CDK8: variants seen among roughly 807,000 people sequenced by gnomAD.
The protein encoded by CDK8 is cyclin dependent kinase 8.
A neutral mutation model predicts 71.5 loss-of-function variants in CDK8; 29 were observed. The observed-to-expected ratio is 0.41, with a 90% confidence interval of 0.30 to 0.55. The LOEUF (loss-of-function observed/expected upper bound fraction) is 0.55. Ranked by LOEUF, CDK8 falls within the 20% of genes least tolerant of loss-of-function variation. The probability of loss-of-function intolerance (pLI) is 0.37; values close to 1 mark genes in which losing one functional copy is unlikely to be tolerated. For synonymous variants in CDK8, 161 were observed against 192.1 expected, an observed-to-expected ratio of 0.84 and a Z score of 1.34; for missense variants, 288 against 572.6, an observed-to-expected ratio of 0.50 and a Z score of 5.07.
intron 1 of CDK8, among the ~76,000 whole-genome samples, chr13:26,258,266 A>G (rs1871616567): frequency 6.6e-6 from 1 of 152,188 alleles, no homozygotes. Context: ...GCTTCCTATA[A>G]TTAATATATT....
chr13:26,400,553 A>T lies in CDK8; in HGVS notation c.1031+3A>T. 1 of 1,575,466 alleles carries T rather than the reference A, an allele frequency of 6.3e-7. No individual in the cohort carries two copies. Among genetic ancestry groups the T allele is most frequent in the Non-Finnish European group, 8.7e-7 (1 of 1,145,176 alleles). ...GAAGACCCACTTCCTACATCAGAGT[A>T]AGTGGCCTAGTTGGTTAACTCATCA... On this transcript the variant is annotated splice_donor_region_variant and intron_variant, in intron 10 of 12. Transcript: ENST00000381527.
intron 1 of CDK8, among the ~76,000 whole-genome samples, chr13:26,270,543 TCCTCTAATC>T (rs1872266921): frequency 6.6e-6 from 1 of 152,190 alleles, no homozygotes; most frequent in African/African-American, 2.4e-5. Context: ...ACTCCTTGTT[TCCTCTAATC>T]CTCAGTCCTA....
At chr13:26,333,992 A>G (rs1218400532) in intron 1 of CDK8, among the ~76,000 whole-genome samples, 1 of 152,166 alleles carries the variant, frequency 6.6e-6, no homozygotes, top group Admixed American at 6.5e-5. Flanking sequence ...TTATGTTGTA[A>G]TTATATTAGG....
chr13:26,261,798 T>C (rs1472004514), intron 1 of CDK8, among the ~76,000 whole-genome samples: 1 of 152,226 alleles, frequency 6.6e-6, no homozygotes, highest in African/African-American at 2.4e-5. Flanking sequence ...GGATGTATGT[T>C]TTCAGTATAT....
intron 4 of CDK8, among the ~76,000 whole-genome samples, chr13:26,369,240 T>G (rs926229634): frequency 2.7e-5 from 4 of 149,866 alleles, no homozygotes; most frequent in African/African-American, 9.8e-5. Flanking sequence ...AGCCCAGGAG[T>G]TCAAGACCAG....
rs9553779 is a variant in CDK8 at position 26,273,831 on chromosome 13, A to C, written c.128+19062A>C. ...AATAACTATCAATTGTAGAAAATAC[A>C]AGTAAAGTCTAAGAAGAAAATAAAA... On this transcript the variant is annotated intron_variant, in intron 1 of 12. Coordinates refer to ENST00000381527, the MANE Select transcript of CDK8 (RefSeq NM_001260.3). Among the ~76,000 whole-genome samples the C allele has an allele frequency of 9.9e-4, 151 of 152,238 alleles. 5 individuals are homozygous for C. The East Asian group carries it at 0.028, about 28-fold the overall frequency.
At chr13:26,321,875 A>G (rs1055495093) in intron 1 of CDK8, among the ~76,000 whole-genome samples, 1 of 152,114 alleles carries the variant, frequency 6.6e-6, no homozygotes, top group Admixed American at 6.6e-5. Flanking sequence ...ACATATATGT[A>G]TAGAAAGACC....
chr13:26,292,099 A>G (rs570626680), intron 1 of CDK8, among the ~76,000 whole-genome samples: 18 of 152,364 alleles, frequency 1.2e-4, no homozygotes, highest in South Asian at 2.1e-4. Context: ...GGGTATTTCA[A>G]AAGTTTTAGA....
At position 26,369,281 on chromosome 13, in the gene CDK8, C is replaced by CA. The variant is rs113696527; in HGVS notation, c.457-13522dup. Among the ~76,000 whole-genome samples the CA allele has an allele frequency of 1.8e-3, 248 of 138,362 alleles. 1 individual carries two copies. Among genetic ancestry groups the CA allele is most frequent in the Middle Eastern group, 7.4e-3 (2 of 270 alleles). 90.8% of individuals were successfully genotyped at this position (138,362 alleles called of 152,430 possible). ...ACAGCATGGTGAAATGCCATCTCTA[C>CA]AAAAAAAAAAATGCAGAAATTCGCC... On this transcript the variant is annotated intron_variant, in intron 4 of 12. Transcript: ENST00000381527.
chr13:26,349,049 A>T, intron 2 of CDK8, 23 bp from the exon 3 acceptor site: 1 of 1,293,358 alleles, frequency 7.7e-7, no homozygotes, highest in Non-Finnish European at 1.1e-6. Flanking sequence ...AGAAATAGTT[A>T]ATGCATCTCC....
intron 4 of CDK8, among the ~76,000 whole-genome samples, chr13:26,371,964 A>G (rs1874712457): frequency 6.6e-6 from 1 of 152,160 alleles, no homozygotes; most frequent in Non-Finnish European, 1.5e-5. Flanking sequence ...TTAAAAATAA[A>G]GAATGAGCAA....
In CDK8 at chr13:26,404,613, C is replaced by T. The variant is rs1159838354; in HGVS notation, c.*532C>T. On this transcript the variant is annotated 3_prime_UTR_variant, in exon 13 of 13. Transcript: ENST00000381527. ...GGGCTGATTCATTTTCTACATTAAT[C>T]AGTGTTTTCTGACCAAGAATATTGC... The T allele has an allele frequency of 4.3e-6, 1 of 231,576 alleles. No individual in the cohort carries two copies. Among genetic ancestry groups the T allele is most frequent in the East Asian group, 6.1e-5 (1 of 16,268 alleles). 14.3% of individuals were successfully genotyped at this position (231,576 alleles called of 1,614,324 possible).
chr13:26,296,118 C>T (rs146276740), intron 1 of CDK8, among the ~76,000 whole-genome samples: 27 of 152,254 alleles, frequency 1.8e-4, no homozygotes, highest in Non-Finnish European at 3.4e-4. Context: ...CTATCCCATC[C>T]GAAGAGCTCA....
chr13:26,284,768 TTG>T, intron 1 of CDK8, among the ~76,000 whole-genome samples: 1 of 151,896 alleles, frequency 6.6e-6, no homozygotes, highest in Non-Finnish European at 1.5e-5. Context: ...AAATAAGTCT[TTG>T]AAGCCAGTAT....
intron 1 of CDK8, among the ~76,000 whole-genome samples, chr13:26,319,210 G>A (rs1394262326): frequency 6.6e-6 from 1 of 152,158 alleles, no homozygotes; most frequent in Non-Finnish European, 1.5e-5. Flanking sequence ...GCTTATGCCT[G>A]TAATCCCAGC....
chr13:26,254,458 C>G lies in CDK8; in HGVS notation c.-184C>G. On this transcript the variant is annotated 5_prime_UTR_variant, in exon 1 of 13. Coordinates refer to ENST00000381527, the MANE Select transcript of CDK8 (RefSeq NM_001260.3). The surrounding 1 kb of genome is among the most constrained non-coding windows in gnomAD (Gnocchi z 6.7). ...GGCCGGCCTCTGCCCCGCCGTCCCCCTGGATGTCCCTGGCGCTTTCGCGGG... is the reference window on the plus strand; with the variant it reads ...GGCCGGCCTCTGCCCCGCCGTCCCCGTGGATGTCCCTGGCGCTTTCGCGGG... 1 of 484,006 alleles carries G rather than the reference C, an allele frequency of 2.1e-6. No homozygotes were observed. The highest frequency in any genetic ancestry group is 3.7e-6 in the Non-Finnish European group (1 of 273,120). The allele number at this position is 484,006 out of a possible 1,614,324, so 30.0% of individuals were successfully genotyped here. A position where few individuals can be genotyped will look rare whatever the true frequency, so the allele number is the denominator to read the frequency against.
At chr13:26,347,756 G>C (rs1873520581) in intron 2 of CDK8, among the ~76,000 whole-genome samples, 1 of 152,166 alleles carries the variant, frequency 6.6e-6, no homozygotes, top group African/African-American at 2.4e-5. Context: ...TACTCATTAG[G>C]ATATATGTTA....
At position 26,315,987 on chromosome 13, in the gene CDK8, C is replaced by G. The variant is rs985624225; in HGVS notation, c.129-21580C>G. Among the ~76,000 whole-genome samples, 5 of 152,298 alleles carry G rather than the reference C, an allele frequency of 3.3e-5. No homozygotes were observed. In the South Asian group the frequency reaches 1.0e-3, roughly 32 times the overall value. Reference sequence around the variant, plus strand: ...GAAGTAAGTTGCAGTTAGTTTCAGTCAATTTCACTCTTAGCACATTAGTTC... The same window carrying G: ...GAAGTAAGTTGCAGTTAGTTTCAGTGAATTTCACTCTTAGCACATTAGTTC... On this transcript the variant is annotated intron_variant, in intron 1 of 12. Coordinates refer to ENST00000381527, the MANE Select transcript of CDK8 (RefSeq NM_001260.3).
Position 26,372,777 on chromosome 13 carries a change from A to C in CDK8, c.457-10037A>C, listed in dbSNP as rs549764789. Among the ~76,000 whole-genome samples, 6 of 152,256 alleles carry C rather than the reference A, an allele frequency of 3.9e-5. No homozygotes were observed. The South Asian group carries it at 1.2e-3, about 32-fold the overall frequency. ...CTGGCCTTAGTCATCTCATCTGTAA[A>C]ATTAACCTGTGTAGAGGACTTGGCA... On this transcript the variant is annotated intron_variant, in intron 4 of 12. Transcript: ENST00000381527.
Sources: allele counts gnomAD v4.1 joint callset (sites outside exome capture counted in the v4.1 genomes callset), GRCh38; gene constraint gnomAD v4.1.1; non-coding constraint Gnocchi (gnomAD v3.1); transcripts MANE v1.5; gene names NCBI Gene and HGNC (gene_info 2026-07-23, HGNC 2026-07-21).